PRKN: variants seen among roughly 807,000 people sequenced by gnomAD.
PRKN encodes parkin RBR E3 ubiquitin protein ligase.
PRKN carries 56 observed loss-of-function variants against 59.5 expected under a neutral mutation model. The observed-to-expected ratio is 0.94, with a 90% CI of 0.76 to 1.18. PRKN has a LOEUF of 1.18. Among genes scored for constraint, PRKN ranks in the 50% most tolerant of loss-of-function variants. The pLI is 0.00. For missense variants in PRKN, 657 were observed against 596.4 expected, an observed-to-expected ratio of 1.10 and a Z score of -1.06; for synonymous variants, 250 against 222.1, an observed-to-expected ratio of 1.13 and a Z score of -1.12.
chr6:162,156,656 T>C (rs1207458248), intron 4 of PRKN, among the ~76,000 whole-genome samples: 2 of 152,192 alleles, frequency 1.3e-5, no homozygotes, highest in Non-Finnish European at 2.9e-5. Flanking sequence ...CCCACCCAGA[T>C]TGAGGGTGAG....
Position 162,432,957 on chromosome 6 carries a change from T to G in PRKN, c.171+10353A>C, listed in dbSNP as rs181140372. Among the ~76,000 whole-genome samples the G allele has an allele frequency of 5.1e-4, 77 of 152,302 alleles. 1 individual carries two copies. The highest frequency in any genetic ancestry group is 1.7e-3 in the African/African-American group (71 of 41,586). ...ATTAGAATAGAATATAGTATTTTCT[T>G]AAGATAACTGTTTAGACTTAACTCA... is the stretch of plus-strand genomic sequence containing the variant. On this transcript the variant is annotated intron_variant, in intron 2 of 11. Transcript: ENST00000366898.
intron 1 of PRKN, among the ~76,000 whole-genome samples, chr6:162,465,594 G>T (rs2128175839): frequency 6.6e-6 from 1 of 152,278 alleles, no homozygotes; most frequent in South Asian, 2.1e-4. Flanking sequence ...TTTTCTGGAG[G>T]TATTACTTAG....
intron 4 of PRKN, among the ~76,000 whole-genome samples, chr6:162,087,589 C>CTTTTTT (rs35184111): frequency 3.1e-4 from 32 of 102,692 alleles, no homozygotes; most frequent in East Asian, 9.7e-4. Flanking sequence ...AGAATAATTT[C>CTTTTTT]TTTTTTTTTT....
At chr6:161,755,455 G>T (rs1027016193) in intron 7 of PRKN, among the ~76,000 whole-genome samples, 1 of 151,992 alleles carries the variant, frequency 6.6e-6, no homozygotes, top group Non-Finnish European at 1.5e-5. Flanking sequence ...CAGTAATATC[G>T]AAGGGTTATG....
In PRKN at chr6:161,497,261, T is replaced by C. The variant is rs1200060492; in HGVS notation, c.1083+51593A>G. The stretch of plus-strand genomic sequence containing the variant: ...TCTGCCAAGGAGTGGAAGGGATTTG[T>C]ACCTCCTTAGGACAACTTCCCAGGT... On this transcript the variant is annotated intron_variant, in intron 9 of 11. Transcript: ENST00000366898. The surrounding 1 kb of genome is among the most constrained non-coding windows in gnomAD (Gnocchi z 4.6). 6.6e-6 allele frequency among the ~76,000 whole-genome samples: 1 copy of C among 152,182 alleles called. No homozygotes were observed. Among genetic ancestry groups the C allele is most frequent in the Admixed American group, 6.5e-5 (1 of 15,290 alleles).
At chr6:161,715,021 A>G (rs1302818543) in intron 7 of PRKN, among the ~76,000 whole-genome samples, 1 of 152,202 alleles carries the variant, frequency 6.6e-6, no homozygotes, top group Non-Finnish European at 1.5e-5. Context: ...TTCCTAAAAC[A>G]CTTTCATAAC....
At position 161,353,281 on chromosome 6, in the gene PRKN, A is replaced by T. The variant is rs930074304; in HGVS notation, c.1286-3070T>A. Reference sequence around the variant, plus strand: ...CGCAGCTGTTCTGACTGTGGGTTATAAGACCCGGATTTCAGAAAGAGTCCT... The same window carrying T: ...CGCAGCTGTTCTGACTGTGGGTTATTAGACCCGGATTTCAGAAAGAGTCCT... On this transcript the variant is annotated intron_variant, in intron 11 of 11. Transcript: ENST00000366898. The surrounding 1 kb of genome is among the most constrained non-coding windows in gnomAD (Gnocchi z 4.8). 2.0e-5 allele frequency among the ~76,000 whole-genome samples: 3 copies of T among 152,172 alleles called. No homozygotes were observed. Among genetic ancestry groups the T allele is most frequent in the Admixed American group, 6.5e-5 (1 of 15,274 alleles).
chr6:161,874,064 T>TAA (rs1554237398), intron 6 of PRKN, among the ~76,000 whole-genome samples: 17 of 14,650 alleles, frequency 1.2e-3, no homozygotes, highest in South Asian at 2.5e-3. Flanking sequence ...ATATAATATA[T>TAA]AATATATATT....
chr6:162,549,450 G>A (rs1779246193), intron 1 of PRKN, among the ~76,000 whole-genome samples: 1 of 151,954 alleles, frequency 6.6e-6, no homozygotes, highest in African/African-American at 2.4e-5. Flanking sequence ...CAGCACCCTC[G>A]ACATGTTATC....
At chr6:162,335,370 T>TCGCATAATTAATAGAC (rs1783794830) in intron 2 of PRKN, among the ~76,000 whole-genome samples, 1 of 152,110 alleles carries the variant, frequency 6.6e-6, no homozygotes, top group South Asian at 2.1e-4. Context: ...CATAATGCTA[T>TCGCATAATTAATAGAC]CGCATAATTA....
At chr6:161,574,482 A>G (rs1229058187) in intron 7 of PRKN, among the ~76,000 whole-genome samples, 1 of 152,158 alleles carries the variant, frequency 6.6e-6, no homozygotes, top group Non-Finnish European at 1.5e-5. Context: ...TAATGACTGC[A>G]TATTACTTTA....
chr6:162,589,206 C>G (rs1781198330), intron 1 of PRKN, among the ~76,000 whole-genome samples: 1 of 152,154 alleles, frequency 6.6e-6, no homozygotes. Flanking sequence ...AACACATACC[C>G]TTGAGATAGT....
chr6:161,389,161 C>G (rs1184245027), intron 9 of PRKN, among the ~76,000 whole-genome samples: 2 of 152,156 alleles, frequency 1.3e-5, no homozygotes, highest in Non-Finnish European at 2.9e-5. Context: ...CATAATTCCT[C>G]CTTGCCTCAA....
chr6:162,182,084 T>G (rs1164987424), intron 4 of PRKN, among the ~76,000 whole-genome samples: 1 of 152,166 alleles, frequency 6.6e-6, no homozygotes, highest in Non-Finnish European at 1.5e-5. Context: ...AGGAACTGCA[T>G]GCAAAGTGTG....
At position 162,422,871 on chromosome 6, in the gene PRKN, G is replaced by A. The variant is rs534708871; in HGVS notation, c.171+20439C>T. On this transcript the variant is annotated intron_variant, in intron 2 of 11. Transcript: ENST00000366898. ...TGAGGCAAGAAAATTTCTTGAACCCGGGAGGCAGAGGTTGCAGTGAGCCGA... is the reference window on the plus strand; with the variant it reads ...TGAGGCAAGAAAATTTCTTGAACCCAGGAGGCAGAGGTTGCAGTGAGCCGA... 6.6e-5 allele frequency among the ~76,000 whole-genome samples: 10 copies of A among 151,138 alleles called. No homozygotes were observed. The East Asian group carries it at 7.9e-4, about 12-fold the overall frequency.
chr6:162,617,277 C>A (rs759603764), intron 1 of PRKN, among the ~76,000 whole-genome samples: 2 of 152,084 alleles, frequency 1.3e-5, no homozygotes, highest in Non-Finnish European at 2.9e-5. Flanking sequence ...TGTCACCCAG[C>A]CTGAAGTGCA....
intron 3 of PRKN, among the ~76,000 whole-genome samples, chr6:162,219,769 A>G (rs544714192): frequency 6.6e-6 from 1 of 152,152 alleles, no homozygotes; most frequent in Non-Finnish European, 1.5e-5. Context: ...TTAAATGATT[A>G]GTTTCTTTAC....
At chr6:162,563,687 A>G (rs535788734) in intron 1 of PRKN, among the ~76,000 whole-genome samples, 4 of 152,366 alleles carry the variant, frequency 2.6e-5, no homozygotes, top group Admixed American at 2.6e-4. Flanking sequence ...ACCAGGGACC[A>G]ATCCTGGATA....
intron 2 of PRKN, among the ~76,000 whole-genome samples, chr6:162,338,851 G>A (rs1216445775): frequency 2.7e-5 from 4 of 150,070 alleles, no homozygotes; most frequent in African/African-American, 4.9e-5. Flanking sequence ...AGTGAGGAGC[G>A]TCTCTGCCCG....
Sources: gnomAD v4.1 joint callset for allele counts (sites outside exome capture counted in the v4.1 genomes callset) on GRCh38, gnomAD v4.1.1 for gene constraint, Gnocchi (gnomAD v3.1) non-coding constraint, MANE v1.5 for transcripts, NCBI Gene and HGNC (gene_info 2026-07-23, HGNC 2026-07-21) for gene names.